PLCL2: variants seen among roughly 807,000 people sequenced by gnomAD.
The protein encoded by PLCL2 is phospholipase C like 2.
A neutral mutation model predicts 79.6 loss-of-function variants in PLCL2; 4 were observed. That is an observed-to-expected ratio of 0.05 (90% CI 0.02 to 0.11). PLCL2 has a LOEUF of 0.11. Ranked by LOEUF, PLCL2 falls within the 10% of genes least tolerant of loss-of-function variation. PLCL2 has a pLI of 1.00. For missense variants in PLCL2, 895 were observed against 1,291.0 expected (o/e 0.69, Z 4.70); for synonymous variants, 484 against 457.7 (o/e 1.06, Z -0.73).
intron 5 of PLCL2, among the ~76,000 whole-genome samples, chr3:17,083,494 C>G (rs372512434): frequency 6.6e-6 from 1 of 152,206 alleles, no homozygotes; most frequent in East Asian, 1.9e-4. Flanking sequence ...GACTCTCACT[C>G]TAAGTTATTT....
intron 4 of PLCL2, among the ~76,000 whole-genome samples, chr3:17,059,211 A>G (rs1190616672): frequency 6.6e-6 from 1 of 152,024 alleles, no homozygotes; most frequent in Admixed American, 6.6e-5. Context: ...ATGCCACTGT[A>G]TAAAGAATAA....
intron 1 of PLCL2, among the ~76,000 whole-genome samples, chr3:16,929,597 T>C (rs1697347450): frequency 1.3e-5 from 2 of 152,164 alleles, no homozygotes; most frequent in Non-Finnish European, 2.9e-5. Flanking sequence ...CAGCATCTCC[T>C]CCTTTTCTGC....
chr3:17,075,545 T>TAAAAAAAA (rs61190858), intron 5 of PLCL2, among the ~76,000 whole-genome samples: 10 of 129,766 alleles, frequency 7.7e-5, no homozygotes, highest in African/African-American at 2.6e-4. Flanking sequence ...CTTCAATGTG[T>TAAAAAAAA]AAAAAAAAAA....
At chr3:17,030,546 C>T (rs886919476) in intron 3 of PLCL2, among the ~76,000 whole-genome samples, 2 of 152,290 alleles carry the variant, frequency 1.3e-5, no homozygotes, top group Admixed American at 6.5e-5. Flanking sequence ...GTAAGTTCTC[C>T]CATCATCTTG....
rs141022311 is a variant in PLCL2 at position 16,940,638 on chromosome 3, G to A, written c.327+55272G>A. On this transcript the variant is annotated intron_variant, in intron 1 of 5. Transcript: ENST00000615277. Reference sequence around the variant, plus strand: ...TATACTCCCTAAACCTAAAATAAGAGTTGGAAAAATTAAAATAAAATAAAA... The same window carrying A: ...TATACTCCCTAAACCTAAAATAAGAATTGGAAAAATTAAAATAAAATAAAA... Among the ~76,000 whole-genome samples, 55 of 152,068 alleles carry A rather than the reference G, an allele frequency of 3.6e-4. 2 individuals are homozygous for A. The East Asian group carries it at 0.01, about 29-fold the overall frequency.
chr3:16,971,667 C>T (rs2063869951), intron 1 of PLCL2, among the ~76,000 whole-genome samples: 2 of 152,184 alleles, frequency 1.3e-5, no homozygotes, highest in Non-Finnish European at 2.9e-5. Context: ...GATATTGATT[C>T]TTCCTACCCA....
Position 16,887,487 on chromosome 3 carries a change from T to C in PLCL2, c.327+2121T>C, listed in dbSNP as rs1408601937. On this transcript the variant is annotated intron_variant, in intron 1 of 5. Transcript: ENST00000615277. The surrounding 1 kb of genome is among the most constrained non-coding windows in gnomAD (Gnocchi z 4.1). ...CATACTCCTTTTTCTTGCCTCTGTT[T>C]TCACTTTGCATTTTCTTAAAACTTT... Among the ~76,000 whole-genome samples, 1 of 152,240 alleles carries C rather than the reference T, an allele frequency of 6.6e-6. No individual in the cohort carries two copies. Among genetic ancestry groups the C allele is most frequent in the African/African-American group, 2.4e-5 (1 of 41,474 alleles).
chr3:17,007,882 T>A (rs1238754638), intron 1 of PLCL2, among the ~76,000 whole-genome samples: 1 of 152,172 alleles, frequency 6.6e-6, no homozygotes, highest in East Asian at 1.9e-4. Flanking sequence ...TACTGAAAAT[T>A]TGTCATAGAT....
Position 16,929,856 on chromosome 3 carries a change from G to A in PLCL2, c.327+44490G>A, listed in dbSNP as rs564987653. Among the ~76,000 whole-genome samples the A allele has an allele frequency of 2.4e-4, 37 of 152,330 alleles. No individual in the cohort carries two copies. In the South Asian group the frequency reaches 7.5e-3, roughly 31 times the overall value. ...AATAGCTGGCATGCATTTTGATACTGTGCTAATTGGTAGCCCTGAGGTCTT... is the reference window on the plus strand; with the variant it reads ...AATAGCTGGCATGCATTTTGATACTATGCTAATTGGTAGCCCTGAGGTCTT... On this transcript the variant is annotated intron_variant, in intron 1 of 5. Transcript: ENST00000615277.
At chr3:16,982,380 T>C (rs936907573) in intron 1 of PLCL2, among the ~76,000 whole-genome samples, 2 of 152,204 alleles carry the variant, frequency 1.3e-5, no homozygotes, top group Non-Finnish European at 2.9e-5. Flanking sequence ...GACTTGCCAT[T>C]TTTTTCTTTC....
intron 1 of PLCL2, among the ~76,000 whole-genome samples, chr3:16,961,332 A>G (rs2124969311): frequency 6.6e-6 from 1 of 152,306 alleles, no homozygotes; most frequent in South Asian, 2.1e-4. Context: ...CTTAGTGAGC[A>G]CCTACTGTGT....
intron 5 of PLCL2, among the ~76,000 whole-genome samples, chr3:17,086,255 G>T (rs1272284107): frequency 6.6e-6 from 1 of 152,176 alleles, no homozygotes; most frequent in African/African-American, 2.4e-5. Flanking sequence ...AGCAGAACAG[G>T]ATAGAAGAGC....
intron 1 of PLCL2, among the ~76,000 whole-genome samples, chr3:16,950,054 A>C (rs1275229030): frequency 1.3e-5 from 2 of 152,166 alleles, no homozygotes; most frequent in East Asian, 3.9e-4. Flanking sequence ...CTGTATCTTC[A>C]CAAGGTTTTT....
At chr3:17,086,853 A>G (rs1403374937) in intron 5 of PLCL2, among the ~76,000 whole-genome samples, 1 of 152,260 alleles carries the variant, frequency 6.6e-6, no homozygotes, top group Admixed American at 6.5e-5. Context: ...AAACTGGGCA[A>G]AAGTCTGAAC....
chr3:17,042,829 T>C (rs780593515), intron 3 of PLCL2, 45 bp from the exon 4 acceptor site: 6 of 1,315,500 alleles, frequency 4.6e-6, no homozygotes, highest in Non-Finnish European at 6.6e-6. Flanking sequence ...CAGGAGGGGA[T>C]CTAGTTGTCA....
intron 1 of PLCL2, among the ~76,000 whole-genome samples, chr3:16,965,130 C>A (rs537708212): frequency 1.4e-4 from 22 of 152,262 alleles, no homozygotes; most frequent in Non-Finnish European, 2.6e-4. Context: ...CCCAGGTTTT[C>A]TTCTAGGATT....
intron 1 of PLCL2, among the ~76,000 whole-genome samples, chr3:16,987,007 G>A (rs2064056700): frequency 6.6e-6 from 1 of 151,594 alleles, no homozygotes; most frequent in African/African-American, 2.4e-5. Context: ...ACTAGAGGAA[G>A]AAGTCTGACA....
chr3:17,029,910 C>T (rs1217816643), intron 3 of PLCL2, among the ~76,000 whole-genome samples: 1 of 152,132 alleles, frequency 6.6e-6, no homozygotes, highest in Non-Finnish European at 1.5e-5. Context: ...GAAGATATTC[C>T]CTGGCATGTT....
intron 3 of PLCL2, among the ~76,000 whole-genome samples, chr3:17,041,373 A>G (rs1347600178): frequency 6.6e-6 from 1 of 152,138 alleles, no homozygotes; most frequent in Non-Finnish European, 1.5e-5. Flanking sequence ...GACCCCAGCG[A>G]TGATTAAAGA....
Sources: allele counts gnomAD v4.1 joint callset (sites outside exome capture counted in the v4.1 genomes callset), GRCh38; gene constraint gnomAD v4.1.1; non-coding constraint Gnocchi (gnomAD v3.1); transcripts MANE v1.5; gene names NCBI Gene and HGNC (gene_info 2026-07-23, HGNC 2026-07-21).